MCCC2: variants seen among roughly 807,000 people sequenced by gnomAD.
The protein encoded by MCCC2 is methylcrotonyl-CoA carboxylase subunit 2.
MCCC2 carries 52 observed loss-of-function variants against 77.2 expected under a neutral mutation model. The ratio of observed to expected loss-of-function variants is 0.67; its 90% CI spans 0.54 to 0.85. The LOEUF (loss-of-function observed/expected upper bound fraction) is 0.85, where lower values mean the gene tolerates loss of function less well. Among genes scored for constraint, MCCC2 ranks in the 40% least tolerant of loss-of-function variants. The pLI, the probability that MCCC2 is intolerant of heterozygous loss-of-function variation, is 0.00. For synonymous variants in MCCC2, 253 were observed against 248.4 expected (o/e 1.02, Z -0.18); for missense variants, 682 against 703.2 (o/e 0.97, Z 0.34).
intron 6 of MCCC2, among the ~76,000 whole-genome samples, chr5:71,617,438 A>C (rs1746198697): frequency 6.6e-6 from 1 of 152,182 alleles, no homozygotes; most frequent in Non-Finnish European, 1.5e-5. Flanking sequence ...GCTACTTGAG[A>C]ATAGGGACAA....
At chr5:71,616,108 A>G (rs1349159787) in intron 6 of MCCC2, among the ~76,000 whole-genome samples, 1 of 152,248 alleles carries the variant, frequency 6.6e-6, no homozygotes, top group Non-Finnish European at 1.5e-5. Flanking sequence ...AAGGTGGTGC[A>G]TTCCCACTCC....
Position 71,604,582 on chromosome 5 carries a change from CT to C in MCCC2, c.624+128del, listed in dbSNP as rs35873168. On this transcript the variant is annotated intron_variant, in intron 6 of 16. Coordinates refer to ENST00000340941, the MANE Select transcript of MCCC2 (RefSeq NM_022132.5). ...AACAGAATTTAACACAAAATCTAAT[CT>C]TTTTTTTTTTTTTATACTTTAGGTT... is the stretch of plus-strand genomic sequence containing the variant. 61,663 of 622,376 alleles carry C rather than the reference CT, an allele frequency of 0.099. 33 individuals are homozygous for C. Among genetic ancestry groups the C allele is most frequent in the South Asian group, 0.15 (7,345 of 49,234 alleles). 38.6% of individuals were successfully genotyped at this position (622,376 alleles called of 1,614,324 possible).
intron 10 of MCCC2, among the ~76,000 whole-genome samples, chr5:71,640,188 ATTAAG>A (rs767042668): frequency 6.6e-6 from 1 of 152,222 alleles, no homozygotes; most frequent in East Asian, 1.9e-4. Context: ...ATGAGTCTTT[ATTAAG>A]TGCTTAATAA....
chr5:71,604,281 C>T, intron 5 of MCCC2, 75 bp from the exon 6 acceptor site: 1 of 1,240,678 alleles, frequency 8.1e-7, no homozygotes, highest in Non-Finnish European at 1.2e-6. Context: ...CTGATGCTGT[C>T]ATTGATACAA....
At chr5:71,633,922 A>G (rs1282950527) in intron 8 of MCCC2, among the ~76,000 whole-genome samples, 1 of 152,132 alleles carries the variant, frequency 6.6e-6, no homozygotes, top group Non-Finnish European at 1.5e-5. Flanking sequence ...AAAAAGATCT[A>G]CCATTTGTGA....
In MCCC2 at chr5:71,587,483, C is replaced by T. The variant is rs371336335; in HGVS notation, c.58C>T (p.Pro20Ser). ...GTGTGCCCGCGCCTCTCCCGCCGGG[C>T]CGCGCGCCTATCACGGGGACTCGGT... The part of the protein sequence containing the change: ...RPCARASPAG[P>S]RAYHGDSVAS... Residue 20 changes from proline (P) to serine (S), a missense_variant, in exon 1 of 17, where the codon CCG (proline) becomes TCG (serine). Transcript: ENST00000340941. The T allele has an allele frequency of 1.8e-4, 281 of 1,536,956 alleles. No individual in the cohort carries two copies. Among genetic ancestry groups the T allele is most frequent in the Non-Finnish European group, 2.3e-4 (263 of 1,146,288 alleles).
intron 13 of MCCC2, among the ~76,000 whole-genome samples, chr5:71,647,764 C>G (rs1747310726): frequency 6.6e-6 from 1 of 152,174 alleles, no homozygotes; most frequent in South Asian, 2.1e-4. Context: ...GAAGAAGGTT[C>G]AGTGACAGTC....
chr5:71,649,200 C>G lies in MCCC2; in HGVS notation c.1320C>G (p.Ile440Met). 6.2e-7 allele frequency: 1 copy of G among 1,614,210 alleles called. No individual in the cohort carries two copies. Among genetic ancestry groups the G allele is most frequent in the Non-Finnish European group, 8.5e-7 (1 of 1,180,016 alleles). The stretch of plus-strand genomic sequence containing the variant: ...CCCAAGTGCCTAAGATAACCCTCAT[C>G]ATTGGGGGCTCCTATGGAGCCGGAA... ...ACAQVPKITL[I>M]IGGSYGAGNY... is the part of the protein sequence containing the mutation. The change falls in exon 14 of 17, where the codon ATC (isoleucine) becomes ATG (methionine). Residue 440 changes from isoleucine to methionine, a missense_variant. Coordinates refer to ENST00000340941, the MANE Select transcript of MCCC2 (RefSeq NM_022132.5).
intron 1 of MCCC2, among the ~76,000 whole-genome samples, chr5:71,590,205 G>A (rs1440742488): frequency 6.6e-6 from 1 of 152,158 alleles, no homozygotes; most frequent in African/African-American, 2.4e-5. Flanking sequence ...ACTGAAAGTT[G>A]AACTTGGTTT....
intron 11 of MCCC2, among the ~76,000 whole-genome samples, chr5:71,642,495 C>A (rs1186377787): frequency 5.3e-5 from 8 of 152,158 alleles, no homozygotes; most frequent in Admixed American, 5.2e-4. Flanking sequence ...CTATGGGTGT[C>A]CCTAGTAGTG....
At chr5:71,603,581 C>T (rs1745539835) in intron 5 of MCCC2, among the ~76,000 whole-genome samples, 1 of 152,074 alleles carries the variant, frequency 6.6e-6, no homozygotes, top group Non-Finnish European at 1.5e-5. Flanking sequence ...GATTAACTCA[C>T]AATACGAACT....
intron 6 of MCCC2, among the ~76,000 whole-genome samples, chr5:71,612,782 A>G (rs1746008723): frequency 6.6e-6 from 1 of 152,216 alleles, no homozygotes; most frequent in Admixed American, 6.5e-5. Context: ...ATGTCTTGGT[A>G]TGTTGCTCCA....
chr5:71,626,585 T>G lies in MCCC2; in HGVS notation c.625-55T>G, dbSNP rs1432034408. 4 of 1,366,508 alleles carry G rather than the reference T, an allele frequency of 2.9e-6. No individual in the cohort carries two copies. In the East Asian group the frequency reaches 9.2e-5, roughly 31 times the overall value. The allele number at this position is 1,366,508 out of a possible 1,614,324, so 84.6% of individuals were successfully genotyped here. On this transcript the variant is annotated intron_variant, in intron 6 of 16. Transcript: ENST00000340941. ...TTGTGGGATTCTGGATCAAACACTA[T>G]AGAAGTCACTGCATGAGCTGCATCT... is the stretch of plus-strand genomic sequence containing the variant.
At chr5:71,634,834 A>G (rs190219165) in intron 8 of MCCC2, 109 bp from the exon 9 acceptor site, 1 of 962,390 alleles carries the variant, frequency 1.0e-6, no homozygotes, top group East Asian at 2.5e-5. Flanking sequence ...TAAGTGTTTT[A>G]GAAGTAAAAG....
rs988394384 is a variant in MCCC2 at position 71,634,873 on chromosome 5, C to A, written c.804-70C>A. 4 of 1,363,580 alleles carry A rather than the reference C, an allele frequency of 2.9e-6. No individual in the cohort carries two copies. In the African/African-American group the frequency reaches 4.3e-5, roughly 15 times the overall value. 84.5% of individuals were successfully genotyped at this position (1,363,580 alleles called of 1,614,324 possible). A position where few individuals can be genotyped will look rare whatever the true frequency, so the allele number is the denominator to read the frequency against. ...TGTCATCTTTAGATGAGAGAAGATA[C>A]TTGGGACCTGAGATATTTAATTATT... On this transcript the variant is annotated intron_variant, in intron 8 of 16. Coordinates refer to ENST00000340941, the MANE Select transcript of MCCC2 (RefSeq NM_022132.5).
At chr5:71,653,817 C>G (rs1747505879) in intron 16 of MCCC2, among the ~76,000 whole-genome samples, 1 of 148,778 alleles carries the variant, frequency 6.7e-6, no homozygotes, top group African/African-American at 2.5e-5. Context: ...TGCCACTGTG[C>G]TCCAACCTGG....
At chr5:71,624,491 C>T (rs1325064501) in intron 6 of MCCC2, among the ~76,000 whole-genome samples, 1 of 151,460 alleles carries the variant, frequency 6.6e-6, no homozygotes, top group Non-Finnish European at 1.5e-5. Context: ...CATTCTCCTG[C>T]CTCAGCCTCC....
chr5:71,631,401 A>C (rs1161361766), intron 7 of MCCC2, among the ~76,000 whole-genome samples: 1 of 152,140 alleles, frequency 6.6e-6, no homozygotes, highest in Non-Finnish European at 1.5e-5. Flanking sequence ...CTTGAAGGGT[A>C]AGTGGGAATT....
Position 71,611,986 on chromosome 5 carries a change from C to T in MCCC2, c.624+7518C>T, listed in dbSNP as rs138675634. Among the ~76,000 whole-genome samples, 708 of 152,136 alleles carry T rather than the reference C, an allele frequency of 4.7e-3. 7 individuals are homozygous for T. The highest frequency in any genetic ancestry group is 0.016 in the African/African-American group (676 of 41,498). On this transcript the variant is annotated intron_variant, in intron 6 of 16. Transcript: ENST00000340941. ...TGTATTTTTAGTAGAGACAGGGTTT[C>T]ACCACATTAGCCAGGATGGTCTCGA...
Sources: allele counts gnomAD v4.1 joint callset (sites outside exome capture counted in the v4.1 genomes callset), GRCh38; gene constraint gnomAD v4.1.1; transcripts MANE v1.5; gene names NCBI Gene and HGNC (gene_info 2026-07-23, HGNC 2026-07-21).